The following EPHA6 variants were observed in gnomAD, a reference collection of about 807,000 sequenced individuals.
EPHA6 encodes EPH receptor A6, also known as ephrin type-A receptor 6.
A neutral mutation model predicts 112.0 loss-of-function variants in EPHA6; 50 were observed. The observed-to-expected ratio is 0.45, with a 90% CI of 0.36 to 0.56. The LOEUF (loss-of-function observed/expected upper bound fraction) is 0.56, where lower values mean the gene tolerates loss of function less well. Ranked by LOEUF, EPHA6 falls within the 20% of genes least tolerant of loss-of-function variation. The pLI is 0.00. For missense variants in EPHA6, 1,280 were observed against 1,417.4 expected (o/e 0.90, Z 1.56); for synonymous variants, 529 against 490.7 (o/e 1.08, Z -1.03).
chr3:96,960,018 G>A (rs1437736055), intron 2 of EPHA6, among the ~76,000 whole-genome samples: 1 of 152,088 alleles, frequency 6.6e-6, no homozygotes, highest in East Asian at 1.9e-4. Context: ...ACTTTACAGA[G>A]AACCTGGAAC....
chr3:97,019,510 A>G (rs1399796654), intron 3 of EPHA6, among the ~76,000 whole-genome samples: 1 of 152,158 alleles, frequency 6.6e-6, no homozygotes, highest in East Asian at 1.9e-4. Flanking sequence ...TTTTCTCAAC[A>G]CAAAAAGACT....
At chr3:97,508,355 A>C (rs371702320) in intron 10 of EPHA6, among the ~76,000 whole-genome samples, 2 of 152,142 alleles carry the variant, frequency 1.3e-5, no homozygotes, top group African/African-American at 4.8e-5. Flanking sequence ...AGATTCTGGT[A>C]CATTGTGTCT....
intron 3 of EPHA6, among the ~76,000 whole-genome samples, chr3:97,139,601 C>T (rs1191317395): frequency 6.6e-6 from 1 of 152,156 alleles, no homozygotes; most frequent in Non-Finnish European, 1.5e-5. Context: ...CATACAGAGA[C>T]TTGGCCCACT....
intron 3 of EPHA6, among the ~76,000 whole-genome samples, chr3:97,090,450 T>A (rs2047029071): frequency 6.6e-6 from 1 of 152,116 alleles, no homozygotes; most frequent in Non-Finnish European, 1.5e-5. Flanking sequence ...CATTGTAATT[T>A]TTTTGCTCTA....
chr3:96,828,055 C>T (rs913494578), intron 1 of EPHA6, among the ~76,000 whole-genome samples: 2 of 152,008 alleles, frequency 1.3e-5, no homozygotes, highest in South Asian at 2.1e-4. Context: ...TTGAAACTTT[C>T]GCCAGTCTGT....
At chr3:97,698,963 A>C (rs2033204440) in intron 14 of EPHA6, among the ~76,000 whole-genome samples, 1 of 152,242 alleles carries the variant, frequency 6.6e-6, no homozygotes, top group Non-Finnish European at 1.5e-5. Flanking sequence ...ATTGAAGCTT[A>C]AGATGTTTAA....
At chr3:96,949,709 A>G (rs527283600) in intron 2 of EPHA6, among the ~76,000 whole-genome samples, 6 of 152,110 alleles carry the variant, frequency 3.9e-5, no homozygotes, top group Non-Finnish European at 5.9e-5. Context: ...TTTTAAAATC[A>G]TATTTATTTC....
intron 4 of EPHA6, among the ~76,000 whole-genome samples, chr3:97,241,766 T>C (rs200307125): frequency 6.7e-6 from 1 of 149,360 alleles, no homozygotes. Context: ...TTTTTTTTTT[T>C]TTTTGTTTTT....
chr3:97,549,752 G>C (rs1368575561), intron 11 of EPHA6, among the ~76,000 whole-genome samples: 1 of 152,090 alleles, frequency 6.6e-6, no homozygotes, highest in Non-Finnish European at 1.5e-5. Context: ...AGAGGTAGCA[G>C]TGAGCCGAGC....
At chr3:97,606,132 T>C (rs2093678713) in intron 12 of EPHA6, 1 of 151,430 alleles carries the variant, frequency 6.6e-6, no homozygotes, top group Non-Finnish European at 1.5e-5. Context: ...TAGCGCTTTA[T>C]ACTAATTGAC....
intron 6 of EPHA6, among the ~76,000 whole-genome samples, chr3:97,417,460 G>T: frequency 6.6e-6 from 1 of 152,040 alleles, no homozygotes; most frequent in East Asian, 1.9e-4. Flanking sequence ...TAACTAGAAA[G>T]TGACTTATTG....
intron 3 of EPHA6, among the ~76,000 whole-genome samples, chr3:97,218,256 G>A (rs1032052850): frequency 6.6e-6 from 1 of 151,638 alleles, no homozygotes; most frequent in African/African-American, 2.4e-5. Context: ...GGATGAAAGA[G>A]TGAGACCCTA....
intron 3 of EPHA6, among the ~76,000 whole-genome samples, chr3:97,136,798 C>G (rs1329065724): frequency 3.3e-5 from 5 of 151,954 alleles, no homozygotes; most frequent in African/African-American, 9.7e-5. Context: ...TCCAGCAAAA[C>G]GATCTTTAAA....
chr3:97,048,599 T>A (rs2045587334), intron 3 of EPHA6, among the ~76,000 whole-genome samples: 1 of 152,206 alleles, frequency 6.6e-6, no homozygotes, highest in Admixed American at 6.5e-5. Context: ...CTTTCTGAGC[T>A]GTGACATTAG....
intron 5 of EPHA6, among the ~76,000 whole-genome samples, chr3:97,283,527 A>AAT (rs1332110967): frequency 3.3e-4 from 51 of 152,268 alleles, no homozygotes; most frequent in African/African-American, 1.2e-3. Flanking sequence ...ATATTAAATG[A>AAT]AATGGTGATT....
intron 10 of EPHA6, among the ~76,000 whole-genome samples, chr3:97,528,356 G>T (rs1026964515): frequency 2.0e-5 from 3 of 152,092 alleles, no homozygotes; most frequent in African/African-American, 7.2e-5. Flanking sequence ...AATTAGATGG[G>T]TTGGTCAAGG....
chr3:97,336,441 C>G (rs2083060417), intron 5 of EPHA6, among the ~76,000 whole-genome samples: 1 of 152,140 alleles, frequency 6.6e-6, no homozygotes, highest in East Asian at 1.9e-4. Flanking sequence ...GGAGTGTTCT[C>G]TACACGTCTC....
At chr3:97,097,449 G>C (rs911460503) in intron 3 of EPHA6, among the ~76,000 whole-genome samples, 31 of 151,610 alleles carry the variant, frequency 2.0e-4, no homozygotes, top group Non-Finnish European at 4.1e-4. Flanking sequence ...GTTTTACATT[G>C]AAAGCATTGA....
chr3:97,175,214 T>G (rs534183141), intron 3 of EPHA6, among the ~76,000 whole-genome samples: 2 of 152,098 alleles, frequency 1.3e-5, no homozygotes, highest in East Asian at 3.9e-4. Context: ...TGTAGGTGTG[T>G]GGATTTGTTT....
Sources: gnomAD v4.1 joint callset for allele counts (sites outside exome capture counted in the v4.1 genomes callset) on GRCh38, gnomAD v4.1.1 for gene constraint, MANE v1.5 for transcripts, NCBI Gene and HGNC (gene_info 2026-07-23, HGNC 2026-07-21) for gene names.